The following RGPD3 variants were observed in gnomAD, a reference collection of about 807,000 sequenced individuals.
RGPD3 encodes the protein ranBP2-like and GRIP domain-containing protein 3.
Under a neutral mutation model 154.5 loss-of-function variants are expected in RGPD3, and 62 were observed. That is an observed-to-expected ratio of 0.40 (90% CI 0.33 to 0.50). The LOEUF (loss-of-function observed/expected upper bound fraction) is 0.50. Among genes scored for constraint, RGPD3 ranks in the 20% least tolerant of loss-of-function variants. The pLI is 0.59. For synonymous variants in RGPD3, 308 were observed against 607.0 expected (o/e 0.51, Z 7.24); for missense variants, 919 against 1,716.8 (o/e 0.54, Z 8.21).
At chr2:106,464,239 G>C (rs1573305269) in intron 1 of RGPD3, among the ~76,000 whole-genome samples, 1 of 151,680 alleles carries the variant, frequency 6.6e-6, no homozygotes, top group Non-Finnish European at 1.5e-5. Flanking sequence ...CCAGCTACAG[G>C]CTGGGGCAGG....
At chr2:106,422,982 C>T in intron 20 of RGPD3, 61 bp downstream of exon 20, 10 of 1,585,908 alleles carry the variant, frequency 6.3e-6, no homozygotes, top group Non-Finnish European at 7.7e-6. Context: ...AAAGAGTCTG[C>T]ATCAAGCTAA....
rs1676742229 is a variant in RGPD3 at position 106,413,798 on chromosome 2, CTCAGAAGCA to C, written c.5065-522_5065-514del. Among the ~76,000 whole-genome samples, 5 of 152,236 alleles carry C rather than the reference CTCAGAAGCA, an allele frequency of 3.3e-5. No homozygotes were observed. In the South Asian group the frequency reaches 1.0e-3, roughly 32 times the overall value. On this transcript the variant is annotated intron_variant, in intron 21 of 22. Coordinates refer to ENST00000409886, the MANE Select transcript of RGPD3 (RefSeq NM_001144013.2). ...CCTGTGTAAATACTGGGGTTCTTGT[CTCAGAAGCA>C]CAGGGTATCATGGAAATGGAGTTGA...
intron 21 of RGPD3, among the ~76,000 whole-genome samples, chr2:106,414,362 GC>G (rs1488870425): frequency 3.9e-5 from 6 of 152,210 alleles, no homozygotes; most frequent in Non-Finnish European, 5.9e-5. Context: ...GGTGGCTCAT[GC>G]CTGTAATCCC....
chr2:106,412,303 T>TGTTG (rs1558833007), intron 22 of RGPD3, among the ~76,000 whole-genome samples: 1 of 67,574 alleles, frequency 1.5e-5, no homozygotes, highest in Non-Finnish European at 3.0e-5. Context: ...GTTTTTTTTT[T>TGTTG]TTTTTTTTTT....
rs1224539592 is a variant in RGPD3, at chr2:106,450,334, C to A, written c.782+1871G>T. On this transcript the variant is annotated intron_variant, in intron 6 of 22. Coordinates refer to ENST00000409886, the MANE Select transcript of RGPD3 (RefSeq NM_001144013.2). ...GGTTCACAAGGCAGGTAACAAAGGG[C>A]CCATGAGTCCTGATTAACTGATCTG... Among the ~76,000 whole-genome samples, 74 of 97,420 alleles carry A rather than the reference C, an allele frequency of 7.6e-4. 6 individuals carry two copies. The highest frequency in any genetic ancestry group is 2.5e-3 in the African/African-American group (72 of 28,698). The allele number at this position is 97,420 out of a possible 152,430, so 63.9% of individuals were successfully genotyped here. A position where few individuals can be genotyped will look rare whatever the true frequency, so the allele number is the denominator to read the frequency against.
chr2:106,441,920 C>T (rs1677757457), intron 7 of RGPD3, among the ~76,000 whole-genome samples: 1 of 136,028 alleles, frequency 7.4e-6, no homozygotes, highest in African/African-American at 2.8e-5. Flanking sequence ...TTGGCTCACA[C>T]CTGTAATCCC....
Position 106,423,025 on chromosome 2 carries a change from TAAC to T in RGPD3, c.4924+15_4924+17del. Reference sequence around the variant, plus strand: ...AAGAAAGAAAAATTGTGCTTAACTTTAACAACAAAGTACCTACCCTTTTCTGGT... The same window carrying T: ...AAGAAAGAAAAATTGTGCTTAACTTTAACAAAGTACCTACCCTTTTCTGGT... On this transcript the variant is annotated intron_variant, in intron 20 of 22. Transcript: ENST00000409886. 9.3e-7 allele frequency: 1 copy of T among 1,072,366 alleles called. No individual in the cohort carries two copies. Among genetic ancestry groups the T allele is most frequent in the Non-Finnish European group, 1.4e-6 (1 of 719,448 alleles). 66.4% of individuals were successfully genotyped at this position (1,072,366 alleles called of 1,614,324 possible). A position where few individuals can be genotyped will look rare whatever the true frequency, so the allele number is the denominator to read the frequency against.
chr2:106,446,383 T>C (rs1200322670), intron 7 of RGPD3, among the ~76,000 whole-genome samples: 2 of 151,354 alleles, frequency 1.3e-5, no homozygotes, highest in South Asian at 2.1e-4. Context: ...CTGGCTAACA[T>C]GGTGAAACCC....
At chr2:106,468,438 A>G, upstream of RGPD3, 1 of 1,466,898 alleles carries the variant, frequency 6.8e-7, no homozygotes, top group South Asian at 1.3e-5. Flanking sequence ...CTGCGTCAAC[A>G]GTGTGTGGAA....
At chr2:106,448,690 T>A (rs953707802) in intron 6 of RGPD3, among the ~76,000 whole-genome samples, 7 of 151,260 alleles carry the variant, frequency 4.6e-5, no homozygotes, top group East Asian at 3.9e-4. Flanking sequence ...TAGAGCTGAG[T>A]TTTTTTGTTT....
In RGPD3 at chr2:106,405,210, G is replaced by C; in HGVS notation, c.*9C>G. On this transcript the variant is annotated 3_prime_UTR_variant, in exon 23 of 23. Transcript: ENST00000409886. ...GATAGGATGCCCATCCAGAAGAACG[G>C]GAAGCATTTTATTCCTCACCTTTGG... 1 of 1,608,700 alleles carries C rather than the reference G, an allele frequency of 6.2e-7. No homozygotes were observed. Among genetic ancestry groups the C allele is most frequent in the Non-Finnish European group, 8.5e-7 (1 of 1,178,568 alleles).
At chr2:106,437,541 G>GA (rs1677599455) in intron 9 of RGPD3, among the ~76,000 whole-genome samples, 1 of 152,112 alleles carries the variant, frequency 6.6e-6, no homozygotes, top group South Asian at 2.1e-4. Context: ...AAAAGAAAAG[G>GA]TTATGCGCTT....
chr2:106,467,899 C>G (rs1678683688), intron 1 of RGPD3, among the ~76,000 whole-genome samples: 1 of 138,482 alleles, frequency 7.2e-6, no homozygotes, highest in Non-Finnish European at 1.6e-5. Context: ...AGGTCGAGGC[C>G]GGCGCCTCAA....
chr2:106,446,264 T>TAAA (rs1239130246), intron 7 of RGPD3, among the ~76,000 whole-genome samples: 483 of 73,266 alleles, frequency 6.6e-3, no homozygotes, highest in African/African-American at 0.024. Flanking sequence ...GCAGGCTCAT[T>TAAA]AAAAAAAAAA....
rs574005852 is a variant in RGPD3, at chr2:106,423,828, C to T, written c.4139G>A (p.Gly1380Asp). ...DVGQWKERGIGDIKILQNYDN... is the reference protein window; with the variant it reads ...DVGQWKERGIDDIKILQNYDN... Reference sequence around the variant, plus strand: ...ATAATTCTGTAAAATCTTTATATCACCAATGCCCCTTTCTTTCCATTGACC... The same window carrying T: ...ATAATTCTGTAAAATCTTTATATCATCAATGCCCCTTTCTTTCCATTGACC... Residue 1380 changes from glycine (G) to aspartate (D), a missense_variant, in exon 20 of 23, where the codon GGT becomes GAT. Coordinates refer to ENST00000409886, the MANE Select transcript of RGPD3 (RefSeq NM_001144013.2). 32 of 1,611,972 alleles carry T rather than the reference C, an allele frequency of 2.0e-5. No individual in the cohort carries two copies. The African/African-American group carries it at 3.7e-4, about 19-fold the overall frequency.
intron 1 of RGPD3, 63 bp downstream of exon 1, chr2:106,468,154 G>C (rs993557442): frequency 5.0e-5 from 77 of 1,533,320 alleles, no homozygotes; most frequent in Non-Finnish European, 6.2e-5. Context: ...GGCCGCCGCC[G>C]GGCCGGGTCG....
intron 21 of RGPD3, among the ~76,000 whole-genome samples, chr2:106,414,439 T>C (rs10167974): frequency 0.037 from 5,570 of 151,532 alleles, 266 homozygotes; most frequent in African/African-American, 0.13. Flanking sequence ...CTGGCCAACA[T>C]GGTGAAACCA....
chr2:106,415,780 G>C (rs1347976378), intron 21 of RGPD3, 70 bp downstream of exon 21: 1 of 1,607,524 alleles, frequency 6.2e-7, no homozygotes, highest in Non-Finnish European at 8.5e-7. Flanking sequence ...TTAAACTTGG[G>C]TACATGTGTA....
intron 1 of RGPD3, among the ~76,000 whole-genome samples, chr2:106,462,696 T>A (rs190221407): frequency 0.013 from 2,004 of 152,260 alleles, 38 homozygotes; most frequent in African/African-American, 0.044. Flanking sequence ...TCTTTTTTTT[T>A]AAATTCAAAC....
Sources: gnomAD v4.1 joint callset for allele counts (sites outside exome capture counted in the v4.1 genomes callset) on GRCh38, gnomAD v4.1.1 for gene constraint, MANE v1.5 for transcripts, NCBI Gene and HGNC (gene_info 2026-07-23, HGNC 2026-07-21) for gene names.